ATP6V1B1: variants seen among roughly 807,000 people sequenced by gnomAD.
ATP6V1B1 encodes ATPase H+ transporting V1 subunit B1, also known as V-type proton ATPase subunit B, kidney isoform.
A neutral mutation model predicts 62.1 loss-of-function variants in ATP6V1B1; 41 were observed. The ratio of observed to expected loss-of-function variants is 0.66; its 90% CI spans 0.51 to 0.86. The LOEUF (loss-of-function observed/expected upper bound fraction) is 0.86. Ranked by LOEUF, ATP6V1B1 falls within the 40% of genes least tolerant of loss-of-function variation. The pLI is 0.00. For missense variants in ATP6V1B1, 651 were observed against 697.5 expected, an observed-to-expected ratio of 0.93 and a Z score of 0.75; for synonymous variants, 253 against 273.4, an observed-to-expected ratio of 0.93 and a Z score of 0.74.
At chr2:70,960,200 A>C in intron 6 of ATP6V1B1, 122 bp downstream of exon 6, 1 of 1,447,124 alleles carries the variant, frequency 6.9e-7, no homozygotes, top group Non-Finnish European at 9.4e-7. Context: ...TGGGGTCGCC[A>C]GCATCGAGAC....
chr2:70,960,777 C>CCCCCA, intron 6 of ATP6V1B1, 144 bp from the exon 7 acceptor site: 1 of 328,828 alleles, frequency 3.0e-6, no homozygotes, highest in Non-Finnish European at 6.0e-6. Flanking sequence ...ACCCCCCACC[C>CCCCCA]CAAGAAAGAC....
At chr2:70,951,696 G>A (rs184455846) in intron 2 of ATP6V1B1, among the ~76,000 whole-genome samples, 1 of 152,000 alleles carries the variant, frequency 6.6e-6, no homozygotes, top group African/African-American at 2.4e-5. Context: ...TCAGGAGTTC[G>A]AGACCAGCCT....
At chr2:70,943,365 C>A in intron 1 of ATP6V1B1, 1 of 573,046 alleles carries the variant, frequency 1.7e-6, no homozygotes, top group East Asian at 3.0e-5. Context: ...AGAGGGGAAG[C>A]AGCCTCAGGG....
At chr2:70,956,023 A>C (rs546369768) in intron 2 of ATP6V1B1, 1 of 198,400 alleles carries the variant, frequency 5.0e-6, no homozygotes, top group African/African-American at 2.3e-5. Flanking sequence ...GCATACTTTT[A>C]CTAGCACATG....
chr2:70,955,592 G>T (rs1680415204), intron 2 of ATP6V1B1, among the ~76,000 whole-genome samples: 1 of 152,094 alleles, frequency 6.6e-6, no homozygotes, highest in East Asian at 1.9e-4. Flanking sequence ...GTGGCCTGCT[G>T]TGCCTGACTT....
intron 1 of ATP6V1B1, chr2:70,940,345 C>CACCAACCAAA: frequency 4.4e-6 from 4 of 902,806 alleles, no homozygotes; most frequent in Non-Finnish European, 5.3e-6. Context: ...CCCACACCCC[C>CACCAACCAAA]ACCTCCCTAT....
intron 2 of ATP6V1B1, among the ~76,000 whole-genome samples, chr2:70,957,464 C>T (rs782677120): frequency 1.3e-5 from 2 of 152,082 alleles, no homozygotes; most frequent in Non-Finnish European, 2.9e-5. Context: ...GGAAGGACTG[C>T]GTGAGTCAAT....
intron 1 of ATP6V1B1, among the ~76,000 whole-genome samples, chr2:70,937,269 G>A (rs562837161): frequency 2.0e-5 from 3 of 152,120 alleles, no homozygotes; most frequent in Non-Finnish European, 4.4e-5. Flanking sequence ...TCCAGGCCAG[G>A]AGAGGAGGTG....
rs782674150 is a variant in ATP6V1B1, at chr2:70,963,253, G to A, written c.1001G>A (p.Arg334His). 78 of 1,613,734 alleles carry A rather than the reference G, an allele frequency of 4.8e-5. No homozygotes were observed. Among genetic ancestry groups the A allele is most frequent in the Non-Finnish European group, 6.3e-5 (74 of 1,179,994 alleles). Residue 334 changes from arginine (R) to histidine (H), a missense_variant, in exon 10 of 14, where the codon CGC (arginine) becomes CAC (histidine). Arg to His is a conservative substitution (Grantham distance 29). Transcript: ENST00000234396. This position sits in a 1 kb window ranked among gnomAD's most constrained non-coding sequence, Gnocchi z 4.3. The part of the protein sequence containing the change: ...DLATIYERAG[R>H]VEGRGGSITQ... The stretch of plus-strand genomic sequence containing the variant: ...GCCACCATCTACGAGCGGGCGGGCC[G>A]CGTGGAGGGTCGGGGAGGATCCATC...
At position 70,964,777 on chromosome 2, in the gene ATP6V1B1, G is replaced by A. The variant is rs2104834384; in HGVS notation, c.1290G>A (p.Lys430=). Residue 430 remains lysine (K), a synonymous_variant, in exon 13 of 14, where the codon AAG becomes AAA. Coordinates refer to ENST00000234396, the MANE Select transcript of ATP6V1B1 (RefSeq NM_001692.4). ...TCGGGAAGGACGTGCAGGCCATGAA[G>A]GCAGTAGTTGGGGAGGAGGCGCTCA... ...YAIGKDVQAM[K]AVVGEEALTS... The A allele has an allele frequency of 6.2e-7, 1 of 1,614,048 alleles. No homozygotes were observed. Among genetic ancestry groups the A allele is most frequent in the East Asian group, 2.2e-5 (1 of 44,856 alleles).
At chr2:70,944,652 A>T (rs10202127) in intron 2 of ATP6V1B1, among the ~76,000 whole-genome samples, 56,870 of 149,364 alleles carry the variant, frequency 0.38, 11,068 homozygotes, top group East Asian at 0.56. Flanking sequence ...CAGTGCCCTC[A>T]GCTTACAGGT....
intron 11 of ATP6V1B1, chr2:70,964,215 C>A: frequency 4.9e-6 from 2 of 407,104 alleles, no homozygotes; most frequent in Middle Eastern, 5.8e-4. Context: ...CTTTTATTAA[C>A]TAATGCCATG....
chr2:70,941,653 C>T lies in ATP6V1B1; in HGVS notation c.119-2005C>T, dbSNP rs532162040. ...ACTTCACATTTTCATTTGTCACTTT[C>T]ATTTGCCTAGCTTAGTACATAGAAG... On this transcript the variant is annotated intron_variant, in intron 1 of 13. Transcript: ENST00000234396. The T allele has an allele frequency of 5.5e-6, 5 of 911,872 alleles. No homozygotes were observed. In the East Asian group the frequency reaches 4.7e-4, roughly 86 times the overall value. The allele number at this position is 911,872 out of a possible 1,614,324, so 56.5% of individuals were successfully genotyped here.
At chr2:70,943,620 T>C in intron 1 of ATP6V1B1, 38 bp from the exon 2 acceptor site, 1 of 1,597,828 alleles carries the variant, frequency 6.3e-7, no homozygotes, top group Non-Finnish European at 8.6e-7. Flanking sequence ...GCAGGGTGTT[T>C]GGGGTGAGAC....
At chr2:70,940,994 G>A (rs782605570) in intron 1 of ATP6V1B1, 62 of 805,230 alleles carry the variant, frequency 7.7e-5, no homozygotes, top group South Asian at 4.5e-4. Flanking sequence ...AGAGCTCACC[G>A]CAGCCTCAAC....
At position 70,940,813 on chromosome 2, in the gene ATP6V1B1, G is replaced by A. The variant is rs370029629; in HGVS notation, c.119-2845G>A. On this transcript the variant is annotated intron_variant, in intron 1 of 13. Coordinates refer to ENST00000234396, the MANE Select transcript of ATP6V1B1 (RefSeq NM_001692.4). ...AGGGGGCACACAATGGTTCTGATGT[G>A]GGAAGTATGAGAAGGAGCAGATGGG... 6.5e-4 allele frequency: 643 copies of A among 985,300 alleles called. 7 individuals are homozygous for A. The African/African-American group carries it at 0.011, about 16-fold the overall frequency. The allele number at this position is 985,300 out of a possible 1,614,324, so 61.0% of individuals were successfully genotyped here.
intron 2 of ATP6V1B1, among the ~76,000 whole-genome samples, chr2:70,956,837 A>G (rs1197238301): frequency 3.3e-5 from 5 of 152,118 alleles, no homozygotes; most frequent in African/African-American, 1.2e-4. Flanking sequence ...CACATGCCTC[A>G]GCCTCCCAAA....
At chr2:70,960,368 T>C (rs1680557395) in intron 6 of ATP6V1B1, among the ~76,000 whole-genome samples, 1 of 152,120 alleles carries the variant, frequency 6.6e-6, no homozygotes, top group Middle Eastern at 3.2e-3. Flanking sequence ...ATCCCTGCAC[T>C]CATCTTTACT....
chr2:70,961,312 G>A (rs563814754), intron 7 of ATP6V1B1, among the ~76,000 whole-genome samples: 2 of 152,306 alleles, frequency 1.3e-5, no homozygotes, highest in Admixed American at 6.5e-5. Flanking sequence ...GGTGGGCAGA[G>A]CAGCAGCTGG....
Sources: allele counts gnomAD v4.1 joint callset (sites outside exome capture counted in the v4.1 genomes callset), GRCh38; gene constraint gnomAD v4.1.1; non-coding constraint Gnocchi (gnomAD v3.1); transcripts MANE v1.5; gene names NCBI Gene and HGNC (gene_info 2026-07-23, HGNC 2026-07-21).